TCF3: variants seen among roughly 807,000 people sequenced by gnomAD.
The protein encoded by TCF3 is transcription factor E2-alpha.
A neutral mutation model predicts 72.3 loss-of-function variants in TCF3; 54 were observed. The observed-to-expected ratio is 0.75, with a 90% confidence interval of 0.60 to 0.94. The LOEUF (loss-of-function observed/expected upper bound fraction) is 0.94. TCF3 is among the 40% of genes least tolerant of loss of function. The pLI is 0.00. For missense variants in TCF3, 1,078 were observed against 934.4 expected (o/e 1.15, Z -2.00); for synonymous variants, 525 against 412.6 (o/e 1.27, Z -3.30).
At chr19:1,633,222 C>A (rs940288668) in intron 3 of TCF3, among the ~76,000 whole-genome samples, 1 of 152,232 alleles carries the variant, frequency 6.6e-6, no homozygotes, top group African/African-American at 2.4e-5. Context: ...CAGAGCACAC[C>A]CGTGGAGAAG....
rs188549528 is a variant in TCF3, at chr19:1,614,572, G to A, written c.1822+713C>T. On this transcript the variant is annotated intron_variant, in intron 18 of 18. Transcript: ENST00000262965. The surrounding 1 kb of genome is among the most constrained non-coding windows in gnomAD (Gnocchi z 5.6). ...GAAACCTTAGAGCTGAGGGGATAGC[G>A]TGTGGGCCGGGCCGGGGCTCTGGCT... Among the ~76,000 whole-genome samples, 184 of 152,278 alleles carry A rather than the reference G, an allele frequency of 1.2e-3. 1 individual carries two copies. Among genetic ancestry groups the A allele is most frequent in the African/African-American group, 4.2e-3 (175 of 41,544 alleles).
At chr19:1,621,521 G>GCCTGGGTGGGTGAGAGTCCCTCTCTGAC (rs2062210485) in intron 11 of TCF3, among the ~76,000 whole-genome samples, 2 of 146,920 alleles carry the variant, frequency 1.4e-5, no homozygotes, top group East Asian at 4.1e-4. Context: ...CCCTCTCTGG[G>GCCTGGGTGGGTGAGAGTCCCTCTCTGAC]CCTGGGTGGG....
intron 5 of TCF3, among the ~76,000 whole-genome samples, chr19:1,630,813 CA>C (rs1459194888): frequency 6.6e-6 from 1 of 152,198 alleles, no homozygotes; most frequent in Non-Finnish European, 1.5e-5. Context: ...GGGACCCCCC[CA>C]AGACCCCTAC....
chr19:1,641,849 T>A (rs1307132420), intron 3 of TCF3, among the ~76,000 whole-genome samples: 1 of 151,924 alleles, frequency 6.6e-6, no homozygotes, highest in Admixed American at 6.6e-5. Flanking sequence ...CATCTCAACC[T>A]CCCAAAGTGC....
At chr19:1,637,681 G>A (rs959677657) in intron 3 of TCF3, among the ~76,000 whole-genome samples, 1 of 152,176 alleles carries the variant, frequency 6.6e-6, no homozygotes, top group Non-Finnish European at 1.5e-5. Flanking sequence ...AGGCCAAGGC[G>A]GGCGGATCAC....
chr19:1,615,838 G>T lies in TCF3; in HGVS notation c.1451-17C>A. On this transcript the variant is annotated splice_polypyrimidine_tract_variant and intron_variant, in intron 16 of 18. Transcript: ENST00000262965. This position sits in a 1 kb window ranked among gnomAD's most constrained non-coding sequence, Gnocchi z 7.3. The stretch of plus-strand genomic sequence containing the variant: ...GCCCTAGCCCTGCAACAGGCCTAGG[G>T]TCAGGGGCCTGCGTCGGCCTCCAGG... The T allele has an allele frequency of 6.6e-7, 1 of 1,524,660 alleles. No homozygotes were observed. The highest frequency in any genetic ancestry group is 1.3e-5 in the South Asian group (1 of 77,034). 94.4% of individuals were successfully genotyped at this position (1,524,660 alleles called of 1,614,324 possible). A position where few individuals can be genotyped will look rare whatever the true frequency, so the allele number is the denominator to read the frequency against.
chr19:1,620,775 G>A (rs1190678643), intron 13 of TCF3, among the ~76,000 whole-genome samples, 193 bp downstream of exon 13: 4 of 152,166 alleles, frequency 2.6e-5, no homozygotes, highest in Admixed American at 6.5e-5. Context: ...CCCTTCCACC[G>A]TCGGTTCCTG....
In TCF3 at chr19:1,619,154, T is replaced by G; in HGVS notation, c.1407A>C (p.Pro469=). 3 of 1,600,112 alleles carry G rather than the reference T, an allele frequency of 1.9e-6. No homozygotes were observed. The highest frequency in any genetic ancestry group is 1.3e-5 in the African/African-American group (1 of 75,026). The change falls in exon 16 of 19, where the codon CCA becomes CCC. Residue 469 remains proline (P), a synonymous_variant. Coordinates refer to ENST00000262965, the MANE Select transcript of TCF3 (RefSeq NM_003200.5). ...GCCGAGACAGGTCAGGGAGGGTGCC[T>G]GGCTGGCTGGGGAGGGCCGCGTGGT... The part of the protein sequence containing the change: ...MHNHAALPSQ[P]GTLPDLSRPP...
Position 1,620,984 on chromosome 19 carries a change from G to T in TCF3, c.1077C>A (p.Ser359=). The change falls in exon 13 of 19, where the codon TCC becomes TCA. Residue 359 remains serine, a synonymous_variant. Transcript: ENST00000262965. ...CTCACAGACCTGCCAGGCCCTGGGG[G>T]GAGCCCACGGGGGTAGAAGGGCTGG... The part of the protein sequence containing the change: ...FSSSPSTPVG[S]PQGLAGTSQW... 1.3e-6 allele frequency: 2 copies of T among 1,512,476 alleles called. No individual in the cohort carries two copies. Among genetic ancestry groups the T allele is most frequent in the East Asian group, 2.5e-5 (1 of 39,346 alleles). 93.7% of individuals were successfully genotyped at this position (1,512,476 alleles called of 1,614,324 possible). A position where few individuals can be genotyped will look rare whatever the true frequency, so the allele number is the denominator to read the frequency against.
intron 2 of TCF3, among the ~76,000 whole-genome samples, chr19:1,648,690 G>A (rs912455081): frequency 6.6e-6 from 1 of 152,124 alleles, no homozygotes; most frequent in Non-Finnish European, 1.5e-5. Flanking sequence ...GGCCGGTGTT[G>A]TTTCAGTTTG....
chr19:1,624,331 G>A (rs1568387576), intron 7 of TCF3, among the ~76,000 whole-genome samples: 2 of 152,146 alleles, frequency 1.3e-5, no homozygotes, highest in Non-Finnish European at 2.9e-5. Flanking sequence ...GGGAGGCAGA[G>A]GCTGCAGTGA....
At chr19:1,621,383 G>A (rs973489702) in intron 11 of TCF3, among the ~76,000 whole-genome samples, 192 bp from the exon 12 acceptor site, 1 of 152,264 alleles carries the variant, frequency 6.6e-6, no homozygotes, top group Non-Finnish European at 1.5e-5. Flanking sequence ...CAGGCCACTG[G>A]CAGGGGACCC....
chr19:1,621,969 C>T lies in TCF3; in HGVS notation c.824G>A (p.Gly275Asp). 6.2e-7 allele frequency: 1 copy of T among 1,604,936 alleles called. No homozygotes were observed. The highest frequency in any genetic ancestry group is 8.5e-7 in the Non-Finnish European group (1 of 1,176,108). Residue 275 changes from glycine (G) to aspartate (D), a missense_variant and splice_region_variant, in exon 11 of 19, where the codon GGC (glycine) becomes GAC (aspartate). By Grantham distance (94) the Gly-to-Asp change is moderately conservative. Coordinates refer to ENST00000262965, the MANE Select transcript of TCF3 (RefSeq NM_003200.5). ...FGGLHQHERM[G>D]YQLHGAEVNG... is the part of the protein sequence containing the mutation. ...CACCTCTGCTCCATGCAGCTGGTAG[C>T]CCTGGGGGGTCAGGCAGGAGGAGGG...
chr19:1,619,043 A>AC, intron 16 of TCF3, 68 bp downstream of exon 16: 1 of 1,594,156 alleles, frequency 6.3e-7, no homozygotes, highest in South Asian at 1.1e-5. Context: ...CCTGACCCCC[A>AC]CCACTAGAGT....
rs1331359295 is a variant in TCF3, at chr19:1,615,494, A to G, written c.1613T>C (p.Leu538Pro). The G allele has an allele frequency of 3.1e-6, 5 of 1,609,614 alleles. No individual in the cohort carries two copies. The highest frequency in any genetic ancestry group is 2.5e-6 in the Non-Finnish European group (3 of 1,179,628). The part of the protein sequence containing the change: ...TSPDEDEDDL[L>P]PPEQKAEREK... ...CCGCTCGGCCTTCTGCTCTGGGGGG[A>G]GAAGGTCGTCCTCGTCCTCGTCTGG... is the stretch of plus-strand genomic sequence containing the variant. The change falls in exon 18 of 19, where the codon CTC becomes CCC. Residue 538 changes from leucine to proline, a missense_variant. By Grantham distance (98) the Leu-to-Pro change is moderately conservative. Transcript: ENST00000262965. The surrounding 1 kb of genome is among the most constrained non-coding windows in gnomAD (Gnocchi z 7.3).
intron 18 of TCF3, chr19:1,612,214 C>T (rs1402864937): frequency 6.3e-7 from 1 of 1,581,930 alleles, no homozygotes; most frequent in East Asian, 2.2e-5. Context: ...TACCTCGCAC[C>T]TGCTGCTCCA....
chr19:1,650,346 T>C lies in TCF3; in HGVS notation c.-39-59A>G. 3 of 1,302,438 alleles carry C rather than the reference T, an allele frequency of 2.3e-6. No homozygotes were observed. The African/African-American group carries it at 4.4e-5, about 19-fold the overall frequency. 80.7% of individuals were successfully genotyped at this position (1,302,438 alleles called of 1,614,324 possible). On this transcript the variant is annotated intron_variant, in intron 1 of 18. Transcript: ENST00000262965. Reference sequence around the variant, plus strand: ...AGAAACAGGGAGGGGAGAAGAGTTGTGAGTGGTCAAAGCACAGAGTGCTAA... The same window carrying C: ...AGAAACAGGGAGGGGAGAAGAGTTGCGAGTGGTCAAAGCACAGAGTGCTAA...
chr19:1,652,135 A>G (rs2067212599), intron 1 of TCF3, among the ~76,000 whole-genome samples, 165 bp downstream of exon 1: 1 of 147,606 alleles, frequency 6.8e-6, no homozygotes, highest in Admixed American at 6.7e-5. Flanking sequence ...CGCCGCGCGA[A>G]GTTGGAGAAC....
At position 1,615,450 on chromosome 19, in the gene TCF3, C is replaced by A. The variant is rs1285522493; in HGVS notation, c.1657G>T (p.Ala553Ser). The change falls in exon 18 of 19, where the codon GCC (alanine) becomes TCC (serine). Residue 553 changes from alanine to serine, a missense_variant. Ala to Ser is a moderately conservative substitution (Grantham distance 99). Coordinates refer to ENST00000262965, the MANE Select transcript of TCF3 (RefSeq NM_003200.5). This position sits in a 1 kb window ranked among gnomAD's most constrained non-coding sequence, Gnocchi z 7.3. ...KAEREKERRV[A>S]NNARERLRVR... ...CGCAGCCGCTCCCGGGCGTTATTGGCCACCCGGCGCTCCTTCTCCCGCTCG... is the reference window on the plus strand; with the variant it reads ...CGCAGCCGCTCCCGGGCGTTATTGGACACCCGGCGCTCCTTCTCCCGCTCG... The A allele has an allele frequency of 1.2e-6, 2 of 1,613,100 alleles. No individual in the cohort carries two copies. The highest frequency in any genetic ancestry group is 1.7e-6 in the Non-Finnish European group (2 of 1,179,978).
Sources: gnomAD v4.1 joint callset for allele counts (sites outside exome capture counted in the v4.1 genomes callset) on GRCh38, gnomAD v4.1.1 for gene constraint, Gnocchi (gnomAD v3.1) non-coding constraint, MANE v1.5 for transcripts, NCBI Gene and HGNC (gene_info 2026-07-23, HGNC 2026-07-21) for gene names.